SLC38A1: variants seen among roughly 807,000 people sequenced by gnomAD.
The protein encoded by SLC38A1 is solute carrier family 38 member 1.
In SLC38A1, 18 loss-of-function variants were observed where a neutral mutation model predicts 60.3. The observed-to-expected ratio is 0.30, with a 90% CI of 0.21 to 0.44. The LOEUF (loss-of-function observed/expected upper bound fraction) is 0.44. Among genes scored for constraint, SLC38A1 ranks in the 20% least tolerant of loss-of-function variants. The probability of loss-of-function intolerance (pLI) is 1.00; values close to 1 mark genes in which losing one functional copy is unlikely to be tolerated. For missense variants in SLC38A1, 448 were observed against 587.2 expected (o/e 0.76, Z 2.45); for synonymous variants, 196 against 212.1 (o/e 0.92, Z 0.66).
At chr12:46,267,239 G>C (rs1942379929) in intron 1 of SLC38A1, 1 of 152,232 alleles carries the variant, frequency 6.6e-6, no homozygotes, top group South Asian at 2.1e-4. Flanking sequence ...TTCTAGCAGA[G>C]GCGTCTTTTT....
At chr12:46,216,357 T>C (rs781251003) in intron 5 of SLC38A1, among the ~76,000 whole-genome samples, 2 of 152,142 alleles carry the variant, frequency 1.3e-5, no homozygotes, top group Non-Finnish European at 2.9e-5. Context: ...TCGCCGTGTC[T>C]GTGTGGTTGG....
At chr12:46,201,921 G>A (rs1318556591) in intron 12 of SLC38A1, among the ~76,000 whole-genome samples, 2 of 150,892 alleles carry the variant, frequency 1.3e-5, no homozygotes, top group Non-Finnish European at 2.9e-5. Context: ...GGCCCCGCGC[G>A]GTGGCTCACG....
chr12:46,239,751 G>A lies in SLC38A1; in HGVS notation c.50C>T (p.Thr17Ile). Reference protein sequence around the residue: ...GLELTELQNMTVPEDDNISND... With the variant: ...GLELTELQNMIVPEDDNISND... Reference sequence around the variant, plus strand: ...GCTAATGTTATCATCCTCGGGCACTGTCATGTTTTGCAACTCAGTTAATTC... The same window carrying A: ...GCTAATGTTATCATCCTCGGGCACTATCATGTTTTGCAACTCAGTTAATTC... Residue 17 changes from threonine (T) to isoleucine (I), a missense_variant, in exon 3 of 17, where the codon ACA becomes ATA. Transcript: ENST00000398637. 6.2e-7 allele frequency: 1 copy of A among 1,613,340 alleles called. No individual in the cohort carries two copies. The highest frequency in any genetic ancestry group is 8.5e-7 in the Non-Finnish European group (1 of 1,179,858).
chr12:46,258,430 G>A (rs1298224409), intron 1 of SLC38A1, among the ~76,000 whole-genome samples: 1 of 152,130 alleles, frequency 6.6e-6, no homozygotes, highest in Non-Finnish European at 1.5e-5. Context: ...AGACCCAAGT[G>A]CAAACTTGAA....
rs1942448226 is a variant in SLC38A1 at position 46,268,766 on chromosome 12, C to T, written c.-449G>A. The T allele has an allele frequency of 6.2e-6, 2 of 323,922 alleles. No homozygotes were observed. The highest frequency in any genetic ancestry group is 4.1e-4 in the Middle Eastern group (1 of 2,442). 20.1% of individuals were successfully genotyped at this position (323,922 alleles called of 1,614,324 possible). On this transcript the variant is annotated 5_prime_UTR_variant, in exon 1 of 17. Coordinates refer to ENST00000398637, the MANE Select transcript of SLC38A1 (RefSeq NM_030674.4). The surrounding 1 kb of genome is among the most constrained non-coding windows in gnomAD (Gnocchi z 4.4). ...GCGGAGTGGCGTGGCCGCCCCAGTCCGCGCTCGCCTGGCTCTCCTCCTTTC... is the reference window on the plus strand; with the variant it reads ...GCGGAGTGGCGTGGCCGCCCCAGTCTGCGCTCGCCTGGCTCTCCTCCTTTC...
intron 1 of SLC38A1, among the ~76,000 whole-genome samples, chr12:46,244,029 C>T (rs1040220457): frequency 4.6e-5 from 7 of 152,106 alleles, no homozygotes; most frequent in African/African-American, 1.2e-4. Context: ...CAAGACCAAC[C>T]CATCTAAAAT....
At position 46,213,326 on chromosome 12, in the gene SLC38A1, T is replaced by C. The variant is rs189869209; in HGVS notation, c.315-4199A>G. On this transcript the variant is annotated intron_variant, in intron 5 of 16. Transcript: ENST00000398637. ...CTTCCTGATTCTATCTTGTGTACTT[T>C]TTTTGTCTGTTTCTGAAGCTAAGTG... 2.9e-3 allele frequency among the ~76,000 whole-genome samples: 442 copies of C among 152,348 alleles called. 4 individuals carry two copies. The highest frequency in any genetic ancestry group is 0.01 in the African/African-American group (417 of 41,588).
At chr12:46,196,947 A>G (rs577878915) in intron 16 of SLC38A1, among the ~76,000 whole-genome samples, 11 of 152,324 alleles carry the variant, frequency 7.2e-5, no homozygotes, top group African/African-American at 2.6e-4. Flanking sequence ...TCTGTCAAAT[A>G]ATAAAAAAGA....
At chr12:46,263,455 A>G (rs1348746593) in intron 1 of SLC38A1, among the ~76,000 whole-genome samples, 1 of 152,198 alleles carries the variant, frequency 6.6e-6, no homozygotes, top group Non-Finnish European at 1.5e-5. Flanking sequence ...AGAGTTGGCA[A>G]CTAATTTCAA....
intron 5 of SLC38A1, among the ~76,000 whole-genome samples, chr12:46,226,000 G>A (rs921179173): frequency 6.6e-6 from 1 of 152,114 alleles, no homozygotes; most frequent in Non-Finnish European, 1.5e-5. Context: ...GTACTGATTT[G>A]AACAACCCAT....
intron 1 of SLC38A1, among the ~76,000 whole-genome samples, chr12:46,243,578 GCT>G (rs948345269): frequency 2.6e-5 from 4 of 152,196 alleles, no homozygotes; most frequent in African/African-American, 9.7e-5. Flanking sequence ...TGGGGCCTGA[GCT>G]GAGACTTCAC....
At chr12:46,250,746 C>G (rs1403430003) in intron 1 of SLC38A1, among the ~76,000 whole-genome samples, 1 of 152,050 alleles carries the variant, frequency 6.6e-6, no homozygotes, top group Non-Finnish European at 1.5e-5. Flanking sequence ...TTCACAATTG[C>G]TACAAAGAGA....
intron 1 of SLC38A1, among the ~76,000 whole-genome samples, chr12:46,250,778 C>A (rs1158341805): frequency 1.3e-5 from 2 of 152,156 alleles, no homozygotes; most frequent in African/African-American, 4.8e-5. Flanking sequence ...AGGAATCCAA[C>A]TTACAAGGGA....
rs548149980 is a variant in SLC38A1, at chr12:46,222,229, A to T, written c.314+6924T>A. ...TGGTGTTAAGTTCTTCAAAAAACCA[A>T]TTTTTTCAACTAGCTTTTTTTTTTC... is the stretch of plus-strand genomic sequence containing the variant. On this transcript the variant is annotated intron_variant, in intron 5 of 16. Transcript: ENST00000398637. 1.5e-4 allele frequency among the ~76,000 whole-genome samples: 23 copies of T among 152,150 alleles called. No individual in the cohort carries two copies. The East Asian group carries it at 3.9e-3, about 26-fold the overall frequency.
At chr12:46,196,465 C>T (rs1176511186) in intron 16 of SLC38A1, among the ~76,000 whole-genome samples, 1 of 152,136 alleles carries the variant, frequency 6.6e-6, no homozygotes, top group African/African-American at 2.4e-5. Flanking sequence ...CAGCAGGCCT[C>T]CACCATTTTC....
At position 46,187,760 on chromosome 12, in the gene SLC38A1, T is replaced by C. The variant is rs2136811537; in HGVS notation, c.*1210A>G. 6.7e-6 allele frequency: 1 copy of C among 148,530 alleles called. No individual in the cohort carries two copies. Among genetic ancestry groups the C allele is most frequent in the South Asian group, 2.2e-4 (1 of 4,612 alleles). 9.2% of individuals were successfully genotyped at this position (148,530 alleles called of 1,614,324 possible). A position where few individuals can be genotyped will look rare whatever the true frequency, so the allele number is the denominator to read the frequency against. ...TACTCAGTGATTCTGTCAGAAGCTC[T>C]TCACAAAGACTATCTCTGAGGGTTT... On this transcript the variant is annotated 3_prime_UTR_variant, in exon 17 of 17. Coordinates refer to ENST00000398637, the MANE Select transcript of SLC38A1 (RefSeq NM_030674.4).
At chr12:46,243,566 G>T (rs940865845) in intron 1 of SLC38A1, among the ~76,000 whole-genome samples, 5 of 152,218 alleles carry the variant, frequency 3.3e-5, no homozygotes, top group African/African-American at 1.2e-4. Flanking sequence ...GACAGATGGA[G>T]ATGGGGCCTG....
intron 1 of SLC38A1, among the ~76,000 whole-genome samples, chr12:46,248,908 G>C (rs941927644): frequency 2.6e-5 from 4 of 152,130 alleles, no homozygotes; most frequent in Non-Finnish European, 4.4e-5. Context: ...TGTAATCTCA[G>C]CACTTTGGGA....
At chr12:46,231,111 A>G (rs1941059092) in intron 3 of SLC38A1, among the ~76,000 whole-genome samples, 1 of 107,164 alleles carries the variant, frequency 9.3e-6, no homozygotes, top group African/African-American at 2.8e-5. Context: ...ACGGAATACT[A>G]TGTCACCATA....
Sources: gnomAD v4.1 joint callset for allele counts (sites outside exome capture counted in the v4.1 genomes callset) on GRCh38, gnomAD v4.1.1 for gene constraint, Gnocchi (gnomAD v3.1) non-coding constraint, MANE v1.5 for transcripts, NCBI Gene and HGNC (gene_info 2026-07-23, HGNC 2026-07-21) for gene names.